Variants in IGSF10 observed in about 807,000 individuals in gnomAD.
IGSF10 encodes immunoglobulin superfamily member 10.
In IGSF10, 126 loss-of-function variants were observed where a neutral mutation model predicts 128.2. The observed-to-expected ratio is 0.98, with a 90% CI of 0.85 to 1.14. The LOEUF is 1.14. IGSF10 is among the 50% of genes most tolerant of loss of function. IGSF10 has a pLI of 0.00. For missense variants in IGSF10, 3,295 were observed against 3,149.8 expected (o/e 1.05, Z -1.10); for synonymous variants, 1,185 against 1,146.2 (o/e 1.03, Z -0.68).
the IGSF10 span, among the ~76,000 whole-genome samples, chr3:151,520,839 T>C: frequency 1.6e-4 from 25 of 151,612 alleles, no homozygotes; most frequent in Admixed American, 5.3e-4. Context: ...CATAATAACC[T>C]GCTAATACAC....
At chr3:151,477,124 C>G in the IGSF10 span, among the ~76,000 whole-genome samples, 1 of 152,172 alleles carries the variant, frequency 6.6e-6, no homozygotes, top group South Asian at 2.1e-4. Context: ...ATATCCTTGT[C>G]AGGATGCTGC....
the IGSF10 span, among the ~76,000 whole-genome samples, chr3:151,467,871 G>C: frequency 6.8e-6 from 1 of 146,558 alleles, no homozygotes; most frequent in Non-Finnish European, 1.5e-5. Flanking sequence ...GCGACAGCGA[G>C]ACTCCATCTC....
At chr3:151,462,490 T>C (rs2108585882), upstream of IGSF10, among the ~76,000 whole-genome samples, 2 of 152,332 alleles carry the variant, frequency 1.3e-5, no homozygotes, top group South Asian at 4.1e-4. Flanking sequence ...AGCCTCACCA[T>C]AGCACCAAAA....
rs549813973 is a variant in IGSF10, at chr3:151,449,086, T to G, written c.895A>C (p.Ser299Arg). 1 of 1,614,204 alleles carries G rather than the reference T, an allele frequency of 6.2e-7. No individual in the cohort carries two copies. Among genetic ancestry groups the G allele is most frequent in the Admixed American group, 1.7e-5 (1 of 60,020 alleles). Residue 299 changes from serine (S) to arginine (R), a missense_variant, in exon 6 of 8, where the codon AGT (serine) becomes CGT (arginine). By Grantham distance (110) the Ser-to-Arg change is moderately radical. Transcript: ENST00000282466. ...TGGGGAGAGATGAAAGCAGAACTAC[T>G]GTCTTCCAGAATAGTCAGGCTCTTT... ...KSKSLTILED[S>R]SSAFISPQGF...
intron 5 of IGSF10, among the ~76,000 whole-genome samples, chr3:151,450,285 A>G (rs1184210099): frequency 2.0e-5 from 3 of 152,214 alleles, no homozygotes; most frequent in Non-Finnish European, 4.4e-5. Flanking sequence ...ACAGCCTGAG[A>G]CATCCATGCT....
At chr3:151,538,308 TTTAA>T in the IGSF10 span, among the ~76,000 whole-genome samples, 4 of 152,026 alleles carry the variant, frequency 2.6e-5, no homozygotes, top group South Asian at 2.1e-4. Context: ...AATATATTTC[TTTAA>T]TTATTAACTA....
chr3:151,601,391 TG>T, the IGSF10 span, among the ~76,000 whole-genome samples: 2 of 152,158 alleles, frequency 1.3e-5, no homozygotes, highest in African/African-American at 4.8e-5. Flanking sequence ...AATATACATT[TG>T]AAACAAAAAT....
chr3:151,535,891 G>A, the IGSF10 span, among the ~76,000 whole-genome samples: 78 of 152,178 alleles, frequency 5.1e-4, no homozygotes, highest in South Asian at 1.5e-3. Flanking sequence ...TGATGGCTTC[G>A]CAGTTTCTTT....
At chr3:151,572,815 G>A in the IGSF10 span, among the ~76,000 whole-genome samples, 1 of 152,100 alleles carries the variant, frequency 6.6e-6, no homozygotes, top group African/African-American at 2.4e-5. Flanking sequence ...TGATGTTAGG[G>A]TATTGATTTT....
chr3:151,573,645 T>C, the IGSF10 span, among the ~76,000 whole-genome samples: 108,991 of 152,072 alleles, frequency 0.72, 39,129 homozygotes, highest in South Asian at 0.77. Context: ...ACGGGTCTCC[T>C]GAACACAGCA....
At chr3:151,513,511 T>C in the IGSF10 span, among the ~76,000 whole-genome samples, 1,460 of 152,228 alleles carry the variant, frequency 9.6e-3, 12 homozygotes, top group Non-Finnish European at 0.014. Flanking sequence ...TCAGCCAATA[T>C]CATACTTGAA....
chr3:151,467,230 G>C, the IGSF10 span, among the ~76,000 whole-genome samples: 1 of 152,018 alleles, frequency 6.6e-6, no homozygotes, highest in African/African-American at 2.4e-5. Flanking sequence ...TAACCTTTTT[G>C]CTAAATTACC....
the IGSF10 span, among the ~76,000 whole-genome samples, chr3:151,467,025 G>C: frequency 6.6e-6 from 1 of 152,094 alleles, no homozygotes; most frequent in Non-Finnish European, 1.5e-5. Context: ...GTGGGACATA[G>C]TCTTTCATTG....
chr3:151,509,672 G>A, the IGSF10 span, among the ~76,000 whole-genome samples: 8 of 152,350 alleles, frequency 5.3e-5, no homozygotes, highest in East Asian at 1.4e-3. Flanking sequence ...CTGAAGCAGG[G>A]CGAGGCATCG....
chr3:151,553,205 G>C, the IGSF10 span, among the ~76,000 whole-genome samples: 2 of 152,088 alleles, frequency 1.3e-5, no homozygotes, highest in Admixed American at 6.6e-5. Context: ...AGCAATTTTG[G>C]ATAGATGGTA....
intron 7 of IGSF10, among the ~76,000 whole-genome samples, chr3:151,440,951 T>A (rs76886850): frequency 0.012 from 1,798 of 152,356 alleles, 35 homozygotes; most frequent in African/African-American, 0.041. Flanking sequence ...TCGCCAAGGA[T>A]GTAGAAACCC....
chr3:151,482,900 T>G, the IGSF10 span, among the ~76,000 whole-genome samples: 12 of 46,640 alleles, frequency 2.6e-4, no homozygotes, highest in African/African-American at 1.2e-3. Flanking sequence ...AGTCTAAGTG[T>G]TTTTTTGTTT....
chr3:151,478,313 G>C, the IGSF10 span, among the ~76,000 whole-genome samples: 138 of 152,290 alleles, frequency 9.1e-4, no homozygotes, highest in African/African-American at 3.2e-3. Context: ...GGCATTTATT[G>C]TCATATTAAA....
chr3:151,511,185 A>G, the IGSF10 span, among the ~76,000 whole-genome samples: 1 of 152,130 alleles, frequency 6.6e-6, no homozygotes, highest in African/African-American at 2.4e-5. Context: ...AGTTGAAATG[A>G]AGGAAAAAAT....
Sources: allele counts gnomAD v4.1 joint callset (sites outside exome capture counted in the v4.1 genomes callset), GRCh38; gene constraint gnomAD v4.1.1; transcripts MANE v1.5; gene names NCBI Gene and HGNC (gene_info 2026-07-23, HGNC 2026-07-21).